ABR: variants seen among roughly 807,000 people sequenced by gnomAD.
The protein encoded by ABR is active breakpoint cluster region-related protein.
In ABR, 35 loss-of-function variants were observed where a neutral mutation model predicts 107.2. The observed-to-expected ratio is 0.33, with a 90% CI of 0.25 to 0.43. The LOEUF is 0.43. Ranked by LOEUF, ABR falls within the 20% of genes least tolerant of loss-of-function variation. The pLI, the probability that ABR is intolerant of heterozygous loss-of-function variation, is 1.00. For synonymous variants in ABR, 498 were observed against 462.0 expected, an observed-to-expected ratio of 1.08 and a Z score of -1.00; for missense variants, 815 against 1,115.2, an observed-to-expected ratio of 0.73 and a Z score of 3.83.
rs1236953047 is a variant in ABR at position 1,195,046 on chromosome 17, G to A, written c.838+33747C>T. On this transcript the variant is annotated intron_variant, in intron 1 of 22. Coordinates refer to the ABR transcript ENST00000574139. ...CCTCAGGCCAGGCGCGGTGGCTCACGCCTGTAATCCCAGCACTTTGGGAGG... is the reference window on the plus strand; with the variant it reads ...CCTCAGGCCAGGCGCGGTGGCTCACACCTGTAATCCCAGCACTTTGGGAGG... Among the ~76,000 whole-genome samples, 71 of 144,784 alleles carry A rather than the reference G, an allele frequency of 4.9e-4. No homozygotes were observed. The East Asian group carries it at 0.015, about 31-fold the overall frequency. The allele number at this position is 144,784 out of a possible 152,430, so 95.0% of individuals were successfully genotyped here.
Position 1,110,094 on chromosome 17 carries a change from C to T in ABR, c.247-9359G>A, listed in dbSNP as rs28571102. ...CACCCCACCGCAGGGAGCCATCCTG[C>T]AAGGGGAGTGCACACAGAACCCAGG... On this transcript the variant is annotated intron_variant, in intron 2 of 22. Coordinates refer to ENST00000302538, the MANE Select transcript of ABR (RefSeq NM_021962.5). Among the ~76,000 whole-genome samples the T allele has an allele frequency of 8.3e-3, 1,254 of 151,138 alleles. 19 individuals are homozygous for T. The highest frequency in any genetic ancestry group is 0.029 in the African/African-American group (1,177 of 41,090).
intron 16 of ABR, among the ~76,000 whole-genome samples, chr17:1,020,960 C>G (rs1398530097): frequency 6.6e-6 from 1 of 152,150 alleles, no homozygotes; most frequent in Non-Finnish European, 1.5e-5. Flanking sequence ...TGGCAGAGCC[C>G]CCATTCCAAC....
At chr17:1,096,995 A>G (rs1226751368) in intron 3 of ABR, among the ~76,000 whole-genome samples, 1 of 151,746 alleles carries the variant, frequency 6.6e-6, no homozygotes, top group Non-Finnish European at 1.5e-5. Context: ...GGGAGGAGAC[A>G]GCTGGGGAAG....
intron 1 of ABR, among the ~76,000 whole-genome samples, chr17:1,203,221 G>T (rs972208841): frequency 6.6e-6 from 1 of 152,072 alleles, no homozygotes; most frequent in Non-Finnish European, 1.5e-5. Context: ...TTGCCGGTGT[G>T]AGCAGAGGAT....
intron 10 of ABR, among the ~76,000 whole-genome samples, chr17:1,064,890 G>T: frequency 8.0e-6 from 1 of 124,948 alleles, no homozygotes; most frequent in Non-Finnish European, 1.7e-5. Flanking sequence ...CTGTTGTTAT[G>T]TGAACTGAGG....
chr17:1,159,276 A>T lies in ABR; in HGVS notation c.61+20391T>A, dbSNP rs1242974623. ...GGAGAAGTAGGAATGCGGTACTCACACACGGGAGAGGTAAGAATGCGGTAC... is the reference window on the plus strand; with the variant it reads ...GGAGAAGTAGGAATGCGGTACTCACTCACGGGAGAGGTAAGAATGCGGTAC... On this transcript the variant is annotated intron_variant, in intron 1 of 22. Transcript: ENST00000302538. Among the ~76,000 whole-genome samples, 92 of 62,948 alleles carry T rather than the reference A, an allele frequency of 1.5e-3. 3 individuals carry two copies. Among genetic ancestry groups the T allele is most frequent in the African/African-American group, 6.8e-3 (87 of 12,762 alleles). 41.3% of individuals were successfully genotyped at this position (62,948 alleles called of 152,430 possible).
intron 1 of ABR, chr17:1,228,408 TG>T (rs2043262769): frequency 2.0e-5 from 3 of 152,492 alleles, no homozygotes; most frequent in African/African-American, 7.2e-5. Flanking sequence ...GGGAAGCCCC[TG>T]GGGTGTGTGC....
intron 1 of ABR, among the ~76,000 whole-genome samples, chr17:1,140,002 G>T (rs1375255967): frequency 6.6e-6 from 1 of 152,174 alleles, no homozygotes. Context: ...AGAGGGCCTG[G>T]AACACTATCC....
intron 2 of ABR, among the ~76,000 whole-genome samples, chr17:1,107,326 C>T (rs2038321028): frequency 6.6e-6 from 1 of 152,232 alleles, no homozygotes; most frequent in African/African-American, 2.4e-5. Flanking sequence ...TGGGCCCCAG[C>T]GGGCCTCACA....
In ABR at chr17:1,010,925, G is replaced by A. The variant is rs1347129536; in HGVS notation, c.2102-62C>T. 2.6e-5 allele frequency: 41 copies of A among 1,594,520 alleles called. No homozygotes were observed. Among genetic ancestry groups the A allele is most frequent in the South Asian group, 3.4e-5 (3 of 89,436 alleles). The stretch of plus-strand genomic sequence containing the variant: ...GGGCCAGCAGCCCCGTTCCACCCCC[G>A]ACCCATCCTGACACAGCCCCCACCC... On this transcript the variant is annotated intron_variant, in intron 19 of 22. Transcript: ENST00000302538. The surrounding 1 kb of genome is among the most constrained non-coding windows in gnomAD (Gnocchi z 4.1).
intron 2 of ABR, among the ~76,000 whole-genome samples, chr17:1,104,300 A>C (rs920749): frequency 2.2e-4 from 33 of 152,164 alleles, no homozygotes; most frequent in African/African-American, 7.5e-4. Flanking sequence ...GGTAGGAACA[A>C]TGTCTAGAGA....
chr17:1,102,040 C>T (rs902885161), intron 2 of ABR, among the ~76,000 whole-genome samples: 4 of 152,092 alleles, frequency 2.6e-5, no homozygotes, highest in African/African-American at 9.7e-5. Context: ...GCCGGAAAGA[C>T]ATTTAAAAAA....
At chr17:1,105,279 T>C (rs1450426967) in intron 2 of ABR, among the ~76,000 whole-genome samples, 1 of 151,936 alleles carries the variant, frequency 6.6e-6, no homozygotes, top group Admixed American at 6.6e-5. Context: ...AGTGCTGGGA[T>C]TACAGGCATG....
chr17:1,090,913 C>T (rs1180315383), intron 4 of ABR, among the ~76,000 whole-genome samples: 1 of 152,186 alleles, frequency 6.6e-6, no homozygotes, highest in Non-Finnish European at 1.5e-5. Context: ...TGAGTCTGAC[C>T]TGGGGGTCCT....
intron 2 of ABR, among the ~76,000 whole-genome samples, chr17:1,113,537 T>A (rs887738664): frequency 5.9e-5 from 9 of 152,010 alleles, no homozygotes; most frequent in Admixed American, 2.6e-4. Flanking sequence ...TCCACCCGCC[T>A]CGGCCTCCCA....
At position 1,092,883 on chromosome 17, in the gene ABR, T is replaced by C. The variant is rs191247626; in HGVS notation, c.346-1033A>G. Among the ~76,000 whole-genome samples, 2,031 of 119,988 alleles carry C rather than the reference T, an allele frequency of 0.017. 31 individuals are homozygous for C. The highest frequency in any genetic ancestry group is 0.023 in the Non-Finnish European group (1,275 of 55,158). The allele number at this position is 119,988 out of a possible 152,430, so 78.7% of individuals were successfully genotyped here. A position where few individuals can be genotyped will look rare whatever the true frequency, so the allele number is the denominator to read the frequency against. On this transcript the variant is annotated intron_variant, in intron 3 of 22. Transcript: ENST00000302538. The surrounding 1 kb of genome is among the most constrained non-coding windows in gnomAD (Gnocchi z 4.6). ...TCTCGCTCTGTCGCCCAGGCTGGAG[T>C]GCAGTGGTGCGATCTCGGCTCCGCC...
At chr17:1,132,555 T>C (rs2039893913) in intron 1 of ABR, among the ~76,000 whole-genome samples, 2 of 152,066 alleles carry the variant, frequency 1.3e-5, no homozygotes, top group East Asian at 3.9e-4. Flanking sequence ...ATTGTTGTAT[T>C]TTTAGTAAAG....
At chr17:1,151,601 A>G (rs2040797880) in intron 1 of ABR, among the ~76,000 whole-genome samples, 1 of 152,220 alleles carries the variant, frequency 6.6e-6, no homozygotes, top group Admixed American at 6.5e-5. Flanking sequence ...CAGGGGATGG[A>G]GAAGTGTGTT....
chr17:1,073,757 C>T (rs2035449552), intron 6 of ABR, 80 bp from the exon 7 acceptor site: 5 of 1,319,544 alleles, frequency 3.8e-6, no homozygotes, highest in Admixed American at 2.2e-5. Context: ...GCTTCGTCCC[C>T]CCACCCGCAT....
Sources: gnomAD v4.1 joint callset for allele counts (sites outside exome capture counted in the v4.1 genomes callset) on GRCh38, gnomAD v4.1.1 for gene constraint, Gnocchi (gnomAD v3.1) non-coding constraint, MANE v1.5 for transcripts, NCBI Gene and HGNC (gene_info 2026-07-23, HGNC 2026-07-21) for gene names.